The following PKNOX2 variants were observed in gnomAD, a reference collection of about 807,000 sequenced individuals.
The protein encoded by PKNOX2 is homeobox protein PKNOX2.
PKNOX2 carries 14 observed loss-of-function variants against 53.1 expected under a neutral mutation model. The ratio of observed to expected loss-of-function variants is 0.26; its 90% CI spans 0.17 to 0.41. PKNOX2 has a LOEUF of 0.41. Ranked by LOEUF, PKNOX2 falls within the 10% of genes least tolerant of loss-of-function variation. The pLI, the probability that PKNOX2 is intolerant of heterozygous loss-of-function variation, is 1.00. For synonymous variants in PKNOX2, 257 were observed against 242.8 expected, an observed-to-expected ratio of 1.06 and a Z score of -0.54; for missense variants, 496 against 602.8, an observed-to-expected ratio of 0.82 and a Z score of 1.85.
Position 125,430,105 on chromosome 11 carries a change from C to T in PKNOX2, c.1156C>T (p.Gln386Ter). 1.2e-6 allele frequency: 2 copies of T among 1,614,120 alleles called. No homozygotes were observed. Among genetic ancestry groups the T allele is most frequent in the Non-Finnish European group, 1.7e-6 (2 of 1,179,990 alleles). The change falls in exon 12 of 13, where the codon CAG becomes TAG. Residue 386 changes from glutamine (Q) to a stop codon, truncating the protein, a stop_gained. Coordinates refer to ENST00000298282, the MANE Select transcript of PKNOX2 (RefSeq NM_001382323.2). LOFTEE classifies it high-confidence loss of function. Reference sequence around the variant, plus strand: ...CAACTCCATCGCTGCGGGGGTGCTGCAGCAGCAGGGCGGTGCCCCAGGGAC... The same window carrying T: ...CAACTCCATCGCTGCGGGGGTGCTGTAGCAGCAGGGCGGTGCCCCAGGGAC... ...WPNSIAAGVL[Q>*]QQGGAPGTNP... is the part of the protein sequence containing the mutation.
At chr11:125,268,641 T>C (rs560707773) in intron 2 of PKNOX2, among the ~76,000 whole-genome samples, 10 of 152,294 alleles carry the variant, frequency 6.6e-5, no homozygotes, top group African/African-American at 2.4e-4. Context: ...CATATAAAGC[T>C]GGTCTGGTTG....
At chr11:125,315,321 A>AAAAAAAAC (rs1394161232) in intron 2 of PKNOX2, among the ~76,000 whole-genome samples, 2 of 150,752 alleles carry the variant, frequency 1.3e-5, no homozygotes, top group Non-Finnish European at 1.5e-5. Flanking sequence ...AAAAAAAAAA[A>AAAAAAAAC]AAAAAAACAC....
chr11:125,338,674 C>G (rs1040186176), intron 3 of PKNOX2, among the ~76,000 whole-genome samples: 2 of 152,202 alleles, frequency 1.3e-5, no homozygotes, highest in Non-Finnish European at 2.9e-5. Flanking sequence ...AACAAATGCT[C>G]AGATCCCAGG....
intron 3 of PKNOX2, among the ~76,000 whole-genome samples, chr11:125,351,008 A>G (rs1445355630): frequency 6.6e-6 from 1 of 151,850 alleles, no homozygotes; most frequent in African/African-American, 2.4e-5. Flanking sequence ...CACGTACAAC[A>G]GGCCGGAGCT....
At chr11:125,283,047 G>A (rs901336658) in intron 2 of PKNOX2, among the ~76,000 whole-genome samples, 2 of 152,134 alleles carry the variant, frequency 1.3e-5, no homozygotes, top group Non-Finnish European at 1.5e-5. Context: ...AGCTACTCGG[G>A]AGGCTGAGGC....
intron 1 of PKNOX2, among the ~76,000 whole-genome samples, chr11:125,229,779 G>C (rs1445973607): frequency 6.6e-6 from 1 of 152,094 alleles, no homozygotes; most frequent in Non-Finnish European, 1.5e-5. Context: ...TGGGGCCAGG[G>C]GGGGCTTGCT....
chr11:125,213,056 G>T (rs983756992), intron 1 of PKNOX2, among the ~76,000 whole-genome samples: 4 of 152,100 alleles, frequency 2.6e-5, no homozygotes, highest in Non-Finnish European at 5.9e-5. Context: ...ATGTGAAGTT[G>T]TCCTCTCTCT....
At chr11:125,189,447 G>GTGTGTGTGTGTATA (rs1256963392) in intron 1 of PKNOX2, among the ~76,000 whole-genome samples, 2 of 23,462 alleles carry the variant, frequency 8.5e-5, no homozygotes, top group African/African-American at 3.1e-4. Context: ...GTGTGTGTGT[G>GTGTGTGTGTGTATA]TATATATATA....
rs1288479385 is a variant in PKNOX2, at chr11:125,240,515, T to C, written c.-130+5400T>C. Reference sequence around the variant, plus strand: ...GAAAGGGAGAGAGACCCTTTCCCGCTGCAAGCAGGGCAAGAGGCTTTGAGC... The same window carrying C: ...GAAAGGGAGAGAGACCCTTTCCCGCCGCAAGCAGGGCAAGAGGCTTTGAGC... On this transcript the variant is annotated intron_variant, in intron 2 of 12. Coordinates refer to ENST00000298282, the MANE Select transcript of PKNOX2 (RefSeq NM_001382323.2). The surrounding 1 kb of genome is among the most constrained non-coding windows in gnomAD (Gnocchi z 4.3). 6.6e-6 allele frequency among the ~76,000 whole-genome samples: 1 copy of C among 152,128 alleles called. No homozygotes were observed. The highest frequency in any genetic ancestry group is 2.4e-5 in the African/African-American group (1 of 41,432).
chr11:125,187,717 C>T (rs896572781), intron 1 of PKNOX2, among the ~76,000 whole-genome samples: 1 of 151,756 alleles, frequency 6.6e-6, no homozygotes, highest in Non-Finnish European at 1.5e-5. Context: ...TATTGAATAG[C>T]AGGTGAAAGA....
intron 6 of PKNOX2, among the ~76,000 whole-genome samples, chr11:125,396,413 C>A (rs1954403795): frequency 6.6e-6 from 1 of 151,926 alleles, no homozygotes; most frequent in Non-Finnish European, 1.5e-5. Flanking sequence ...AGGTTTAAAT[C>A]AAGATTCAGT....
intron 2 of PKNOX2, among the ~76,000 whole-genome samples, chr11:125,256,816 C>T (rs1383696147): frequency 1.3e-5 from 2 of 152,200 alleles, no homozygotes; most frequent in South Asian, 2.1e-4. Flanking sequence ...TAATGATCTT[C>T]CTCCAGGAGC....
At chr11:125,334,586 C>A (rs1157162985) in intron 3 of PKNOX2, among the ~76,000 whole-genome samples, 1 of 128,730 alleles carries the variant, frequency 7.8e-6, no homozygotes, top group East Asian at 2.1e-4. Flanking sequence ...CTTAAGTTTT[C>A]GTTTTTTTTT....
intron 7 of PKNOX2, among the ~76,000 whole-genome samples, chr11:125,408,123 G>C (rs1955228513): frequency 6.6e-6 from 1 of 152,198 alleles, no homozygotes. Context: ...GGGTGAAGGA[G>C]ATCTGTGTTC....
At chr11:125,323,700 A>G (rs11601321) in intron 2 of PKNOX2, among the ~76,000 whole-genome samples, 34,528 of 152,134 alleles carry the variant, frequency 0.23, 7,828 homozygotes, top group African/African-American at 0.59. Flanking sequence ...GCATGGAAGG[A>G]AAAGTCAGAG....
chr11:125,198,406 T>A (rs1046246549), intron 1 of PKNOX2, among the ~76,000 whole-genome samples: 1 of 152,210 alleles, frequency 6.6e-6, no homozygotes, highest in Admixed American at 6.5e-5. Context: ...GCGGATCCCC[T>A]CTTTACCTGA....
At chr11:125,331,317 G>T (rs1002044911) in intron 2 of PKNOX2, among the ~76,000 whole-genome samples, 9 of 152,102 alleles carry the variant, frequency 5.9e-5, no homozygotes, top group African/African-American at 2.2e-4. Flanking sequence ...CCTCCCTGCT[G>T]CCCTGGACAC....
intron 6 of PKNOX2, among the ~76,000 whole-genome samples, chr11:125,395,617 A>C (rs2135442905): frequency 6.6e-6 from 1 of 152,238 alleles, no homozygotes; most frequent in African/African-American, 2.4e-5. Context: ...TTTTAACCAT[A>C]CCAATAGGTG....
chr11:125,315,424 T>C (rs1949116399), intron 2 of PKNOX2, among the ~76,000 whole-genome samples: 1 of 150,888 alleles, frequency 6.6e-6, no homozygotes, highest in African/African-American at 2.4e-5. Flanking sequence ...GCCCATGGGG[T>C]CTGCTACCTT....
Sources: allele counts gnomAD v4.1 joint callset (sites outside exome capture counted in the v4.1 genomes callset), GRCh38; gene constraint gnomAD v4.1.1; non-coding constraint Gnocchi (gnomAD v3.1); transcripts MANE v1.5; gene names NCBI Gene and HGNC (gene_info 2026-07-23, HGNC 2026-07-21).